CASZ1: variants seen among roughly 807,000 people sequenced by gnomAD.
The protein encoded by CASZ1 is castor zinc finger 1, also known as zinc finger protein castor homolog 1.
CASZ1 carries 28 observed loss-of-function variants against 135.2 expected under a neutral mutation model. The observed-to-expected ratio is 0.21, with a 90% CI of 0.15 to 0.28. CASZ1 has a LOEUF of 0.28. CASZ1 is among the 10% of genes least tolerant of loss of function. CASZ1 has a pLI of 1.00. For synonymous variants in CASZ1, 1,068 were observed against 1,073.4 expected, an observed-to-expected ratio of 0.99 and a Z score of 0.10; for missense variants, 2,161 against 2,453.3, an observed-to-expected ratio of 0.88 and a Z score of 2.52.
intron 4 of CASZ1, among the ~76,000 whole-genome samples, chr1:10,689,316 G>A (rs1300367461): frequency 2.6e-5 from 4 of 152,208 alleles, no homozygotes; most frequent in Non-Finnish European, 5.9e-5. Flanking sequence ...AGGAGATGCC[G>A]CTGCGTGGCT....
At chr1:10,691,663 G>C (rs554860021) in intron 4 of CASZ1, among the ~76,000 whole-genome samples, 5 of 152,244 alleles carry the variant, frequency 3.3e-5, no homozygotes, top group African/African-American at 4.8e-5. Context: ...GCTGTATGCC[G>C]TGTGCACTAT....
At chr1:10,769,495 T>C (rs1167899513) in intron 1 of CASZ1, among the ~76,000 whole-genome samples, 2 of 152,236 alleles carry the variant, frequency 1.3e-5, no homozygotes, top group African/African-American at 4.8e-5. Context: ...ATAGTCATTA[T>C]TAATGATAAT....
In CASZ1 at chr1:10,700,926, GGTTATT is replaced by G. The variant is rs1639047618; in HGVS notation, c.-24+4560_-24+4565del. 2.0e-5 allele frequency among the ~76,000 whole-genome samples: 3 copies of G among 152,096 alleles called. No individual in the cohort carries two copies. The South Asian group carries it at 6.2e-4, about 32-fold the overall frequency. Reference sequence around the variant, plus strand: ...TATATGAATGATATCTCAATAAAGCGGTTATTAAAAAGTGGGGGAAAGACGGGGGAT... The same window carrying G: ...TATATGAATGATATCTCAATAAAGCGAAAAAGTGGGGGAAAGACGGGGGAT... On this transcript the variant is annotated intron_variant, in intron 3 of 20. Coordinates refer to ENST00000377022, the MANE Select transcript of CASZ1 (RefSeq NM_001079843.3). The surrounding 1 kb of genome is among the most constrained non-coding windows in gnomAD (Gnocchi z 4.2).
chr1:10,644,377 G>T (rs1401767790), intron 18 of CASZ1, among the ~76,000 whole-genome samples: 1 of 152,056 alleles, frequency 6.6e-6, no homozygotes, highest in Non-Finnish European at 1.5e-5. Context: ...AGCCCATGGA[G>T]AACTTGACCG....
At position 10,717,074 on chromosome 1, in the gene CASZ1, G is replaced by A. The variant is rs2100474384; in HGVS notation, c.-76-11530C>T. On this transcript the variant is annotated intron_variant, in intron 2 of 20. Transcript: ENST00000377022. This position sits in a 1 kb window ranked among gnomAD's most constrained non-coding sequence, Gnocchi z 4.6. ...AGAGACTCAGATGGGCTGGGCTGCT[G>A]GAGGGACAGGAGCAGGAGGGACAGA... Among the ~76,000 whole-genome samples, 1 of 152,356 alleles carries A rather than the reference G, an allele frequency of 6.6e-6. No individual in the cohort carries two copies. Among genetic ancestry groups the A allele is most frequent in the African/African-American group, 2.4e-5 (1 of 41,580 alleles).
chr1:10,678,482 C>T (rs1457908298), intron 4 of CASZ1, among the ~76,000 whole-genome samples: 1 of 146,484 alleles, frequency 6.8e-6, no homozygotes, highest in Non-Finnish European at 1.5e-5. Flanking sequence ...AGGGCCGGGG[C>T]AGCACCGCCC....
At chr1:10,686,429 C>T (rs1055240175) in intron 4 of CASZ1, among the ~76,000 whole-genome samples, 2 of 152,222 alleles carry the variant, frequency 1.3e-5, no homozygotes, top group African/African-American at 4.8e-5. Flanking sequence ...TATCACGCCC[C>T]CTCTCACCTT....
At chr1:10,693,285 G>GA in intron 4 of CASZ1, among the ~76,000 whole-genome samples, 1 of 151,884 alleles carries the variant, frequency 6.6e-6, no homozygotes, top group Non-Finnish European at 1.5e-5. Flanking sequence ...ATTCTCAGGT[G>GA]AAAAATACTC....
Position 10,665,119 on chromosome 1 carries a change from T to C in CASZ1, c.469A>G (p.Lys157Glu), listed in dbSNP as rs376957057. Residue 157 changes from lysine (K) to glutamate (E), a missense_variant, in exon 5 of 21, where the codon AAG becomes GAG. Transcript: ENST00000377022. ...EEKDSDGAAS[K>E]EDSGPSTRQA... The stretch of plus-strand genomic sequence containing the variant: ...CTGGTGCTGGGGCCGCTGTCCTCCT[T>C]GGAGGCTGCCCCGTCCGAATCCTTC... 2 of 1,515,118 alleles carry C rather than the reference T, an allele frequency of 1.3e-6. No individual in the cohort carries two copies. Among genetic ancestry groups the C allele is most frequent in the Non-Finnish European group, 1.8e-6 (2 of 1,131,394 alleles). 93.9% of individuals were successfully genotyped at this position (1,515,118 alleles called of 1,614,324 possible).
chr1:10,668,010 C>T (rs969147502), intron 4 of CASZ1, among the ~76,000 whole-genome samples: 10 of 152,222 alleles, frequency 6.6e-5, no homozygotes, highest in Non-Finnish European at 1.3e-4. Context: ...TGCCGCGCTG[C>T]CCCAGCCCAC....
At chr1:10,652,141 C>CAT (rs3214955) in intron 11 of CASZ1, 43,213 of 152,276 alleles carry the variant, frequency 0.28, 7,287 homozygotes, top group African/African-American at 0.46. Flanking sequence ...CCCAGGAAAA[C>CAT]GGCCCAGCTC....
chr1:10,749,210 C>G (rs1640103515), intron 2 of CASZ1, among the ~76,000 whole-genome samples: 1 of 152,132 alleles, frequency 6.6e-6, no homozygotes, highest in Non-Finnish European at 1.5e-5. Context: ...CTTGCAACCA[C>G]ATGGCGGCTT....
chr1:10,654,499 G>A lies in CASZ1; in HGVS notation c.1758C>T (p.Phe586=). The A allele has an allele frequency of 6.2e-7, 1 of 1,614,248 alleles. No homozygotes were observed. The highest frequency in any genetic ancestry group is 1.3e-5 in the African/African-American group (1 of 75,064). Residue 586 remains phenylalanine (F), a synonymous_variant, in exon 10 of 21, where the codon TTC becomes TTT. Coordinates refer to ENST00000377022, the MANE Select transcript of CASZ1 (RefSeq NM_001079843.3). ...KKNTQLINDG[F]QRFRATEDCG... ...AGTCTTCGGTGGCTCGGAAGCGCTG[G>A]AAGCCGTCGTTAATGAGCTGGGTAT... is the stretch of plus-strand genomic sequence containing the variant.
chr1:10,689,782 C>T (rs951735146), intron 4 of CASZ1, among the ~76,000 whole-genome samples: 1 of 152,238 alleles, frequency 6.6e-6, no homozygotes, highest in Non-Finnish European at 1.5e-5. Flanking sequence ...TACTCCCACC[C>T]GCCAGGACTG....
Position 10,676,281 on chromosome 1 carries a change from G to A in CASZ1, c.17-10710C>T, listed in dbSNP as rs185212297. On this transcript the variant is annotated intron_variant, in intron 4 of 20. Coordinates refer to ENST00000377022, the MANE Select transcript of CASZ1 (RefSeq NM_001079843.3). This position sits in a 1 kb window ranked among gnomAD's most constrained non-coding sequence, Gnocchi z 4.5. ...CATGCTGCTTCTCATTCCCTCTCCC[G>A]GAAGCCCTGGGCTCCCGCTATTGTC... Among the ~76,000 whole-genome samples the A allele has an allele frequency of 3.3e-5, 5 of 152,194 alleles. No individual in the cohort carries two copies. The highest frequency in any genetic ancestry group is 3.9e-4 in the East Asian group (2 of 5,168).
At chr1:10,773,710 C>T (rs944737992) in intron 1 of CASZ1, among the ~76,000 whole-genome samples, 1 of 152,122 alleles carries the variant, frequency 6.6e-6, no homozygotes, top group Non-Finnish European at 1.5e-5. Flanking sequence ...GTTCCAGCTT[C>T]CAGGGCCTGC....
At position 10,711,223 on chromosome 1, in the gene CASZ1, G is replaced by T. The variant is rs1425855763; in HGVS notation, c.-76-5679C>A. On this transcript the variant is annotated intron_variant, in intron 2 of 20. Coordinates refer to ENST00000377022, the MANE Select transcript of CASZ1 (RefSeq NM_001079843.3). This position sits in a 1 kb window ranked among gnomAD's most constrained non-coding sequence, Gnocchi z 4.4. Reference sequence around the variant, plus strand: ...CTCTGCTGCCTCCTGCCATGCAATTGGGTACGCAGGCTGCTTAACCTCTCC... The same window carrying T: ...CTCTGCTGCCTCCTGCCATGCAATTTGGTACGCAGGCTGCTTAACCTCTCC... Among the ~76,000 whole-genome samples, 1 of 152,238 alleles carries T rather than the reference G, an allele frequency of 6.6e-6. No homozygotes were observed.
chr1:10,679,755 C>CGAGTGT lies in CASZ1; in HGVS notation c.16+14113_16+14118dup. On this transcript the variant is annotated intron_variant, in intron 4 of 20. Transcript: ENST00000377022. This position sits in a 1 kb window ranked among gnomAD's most constrained non-coding sequence, Gnocchi z 4.7. The stretch of plus-strand genomic sequence containing the variant: ...CTTCAGGTTTTCCATACTACAACCC[C>CGAGTGT]GAGTGTCACCACAGGGTCCGGCCCA... Among the ~76,000 whole-genome samples the CGAGTGT allele has an allele frequency of 6.6e-6, 1 of 152,346 alleles. No homozygotes were observed. Among genetic ancestry groups the CGAGTGT allele is most frequent in the African/African-American group, 2.4e-5 (1 of 41,582 alleles).
In CASZ1 at chr1:10,706,253, C is replaced by T. The variant is rs1182922461; in HGVS notation, c.-76-709G>A. ...CTGGCCCAGCGTGCCAGGCTGGGGC[C>T]CTCCTGCCCAGATAATGAGTTTGGG... On this transcript the variant is annotated intron_variant, in intron 2 of 20. Transcript: ENST00000377022. The surrounding 1 kb of genome is among the most constrained non-coding windows in gnomAD (Gnocchi z 4.3). Among the ~76,000 whole-genome samples, 2 of 152,180 alleles carry T rather than the reference C, an allele frequency of 1.3e-5. No individual in the cohort carries two copies. The highest frequency in any genetic ancestry group is 1.3e-4 in the Admixed American group (2 of 15,280).
Sources: gnomAD v4.1 joint callset for allele counts (sites outside exome capture counted in the v4.1 genomes callset) on GRCh38, gnomAD v4.1.1 for gene constraint, Gnocchi (gnomAD v3.1) non-coding constraint, MANE v1.5 for transcripts, NCBI Gene and HGNC (gene_info 2026-07-23, HGNC 2026-07-21) for gene names.